Variants in MTR observed in about 807,000 individuals in gnomAD.
The protein encoded by MTR is methionine synthase.
Under a neutral mutation model 154.8 loss-of-function variants are expected in MTR, and 84 were observed. The observed-to-expected ratio is 0.54, with a 90% CI of 0.45 to 0.65. MTR has a LOEUF of 0.65. MTR is among the 30% of genes least tolerant of loss of function. The probability of loss-of-function intolerance (pLI) is 0.00; values close to 1 mark genes in which losing one functional copy is unlikely to be tolerated. For missense variants in MTR, 1,275 were observed against 1,570.2 expected, an observed-to-expected ratio of 0.81 and a Z score of 3.18; for synonymous variants, 554 against 553.9, an observed-to-expected ratio of 1.00 and a Z score of 0.00.
chr1:236,835,738 A>T, intron 14 of MTR, 51 bp downstream of exon 14: 1 of 1,609,728 alleles, frequency 6.2e-7, no homozygotes, highest in Non-Finnish European at 8.5e-7. Flanking sequence ...TCACTTTGAC[A>T]CTCATTTAAC....
At chr1:236,874,585 A>AT in intron 23 of MTR, 141 bp from the exon 24 acceptor site, 5 of 643,094 alleles carry the variant, frequency 7.8e-6, no homozygotes, top group Non-Finnish European at 1.0e-5. Flanking sequence ...AAAAAAAAAA[A>AT]GAATTAGGAA....
intron 23 of MTR, 47 bp downstream of exon 23, chr1:236,873,887 C>G: frequency 6.5e-7 from 1 of 1,544,410 alleles, no homozygotes; most frequent in Non-Finnish European, 9.0e-7. Flanking sequence ...GTCATATCCC[C>G]AGGTGTCTGT....
At chr1:236,856,993 C>T (rs1272958913) in intron 18 of MTR, among the ~76,000 whole-genome samples, 1 of 152,086 alleles carries the variant, frequency 6.6e-6, no homozygotes, top group South Asian at 2.1e-4. Flanking sequence ...AATAAACATA[C>T]GTGTATGTAT....
intron 7 of MTR, among the ~76,000 whole-genome samples, chr1:236,816,016 C>T (rs12065561): frequency 0.029 from 4,454 of 152,230 alleles, 239 homozygotes; most frequent in East Asian, 0.2. Flanking sequence ...ACCAGACTGC[C>T]AATTTATTAA....
intron 8 of MTR, among the ~76,000 whole-genome samples, chr1:236,823,892 C>G (rs1317449197): frequency 7.6e-6 from 1 of 131,700 alleles, no homozygotes; most frequent in East Asian, 2.5e-4. Context: ...TTTGAGGAGT[C>G]CACCCACAGG....
intron 22 of MTR, among the ~76,000 whole-genome samples, chr1:236,868,187 C>G (rs1228823210): frequency 5.9e-5 from 9 of 152,206 alleles, no homozygotes; most frequent in African/African-American, 2.2e-4. Flanking sequence ...AGCCACCACT[C>G]TAATCAGTCA....
chr1:236,816,908 A>G (rs1661628505), intron 8 of MTR, among the ~76,000 whole-genome samples: 1 of 152,114 alleles, frequency 6.6e-6, no homozygotes, highest in Admixed American at 6.5e-5. Flanking sequence ...TCAGGTTTTT[A>G]TCTGTAAAGT....
chr1:236,862,495 G>C, intron 21 of MTR, 152 bp downstream of exon 21: 1 of 678,790 alleles, frequency 1.5e-6, no homozygotes, highest in South Asian at 1.6e-5. Context: ...TTTTAACCGA[G>C]TATCAGAATA....
chr1:236,848,951 A>T (rs1663744041), intron 15 of MTR, among the ~76,000 whole-genome samples: 1 of 152,024 alleles, frequency 6.6e-6, no homozygotes. Context: ...CCTCATCTCC[A>T]CAGAAGTCTG....
intron 8 of MTR, among the ~76,000 whole-genome samples, chr1:236,820,944 CTTCTTTG>C (rs1336570243): frequency 1.3e-5 from 2 of 152,142 alleles, no homozygotes; most frequent in African/African-American, 4.8e-5. Context: ...ATCTGTATAT[CTTCTTTG>C]GTGAGGAGGC....
chr1:236,809,568 T>C (rs1371264090), intron 4 of MTR, among the ~76,000 whole-genome samples: 1 of 152,208 alleles, frequency 6.6e-6, no homozygotes, highest in African/African-American at 2.4e-5. Flanking sequence ...GCATAGACTA[T>C]TACTCCAACA....
In MTR at chr1:236,902,355, G is replaced by C. The variant is rs1473837826; in HGVS notation, c.*4711G>C. ...TGAAGTGACCCCTCTTCTTGCCTCT[G>C]TAACACCGCCATGCACATTTCATAC... On this transcript the variant is annotated 3_prime_UTR_variant, in exon 33 of 33. Transcript: ENST00000366577. 6.6e-6 allele frequency: 1 copy of C among 151,912 alleles called. No individual in the cohort carries two copies. The highest frequency in any genetic ancestry group is 2.4e-5 in the African/African-American group (1 of 41,290). The allele number at this position is 151,912 out of a possible 1,614,324, so 9.4% of individuals were successfully genotyped here.
At position 236,825,063 on chromosome 1, in the gene MTR, G is replaced by A. The variant is rs12060264; in HGVS notation, c.866-275G>A. Among the ~76,000 whole-genome samples, 52,383 of 151,220 alleles carry A rather than the reference G, an allele frequency of 0.35. 9,735 individuals carry two copies. Among genetic ancestry groups the A allele is most frequent in the East Asian group, 0.41 (2,104 of 5,132 alleles). Reference sequence around the variant, plus strand: ...TCCCTTATGGGAAGGGGTGGGGTTGGGGGTATTCTGTTCTGCCTAACAGTG... The same window carrying A: ...TCCCTTATGGGAAGGGGTGGGGTTGAGGGTATTCTGTTCTGCCTAACAGTG... On this transcript the variant is annotated intron_variant, in intron 9 of 32. Transcript: ENST00000366577.
intron 18 of MTR, among the ~76,000 whole-genome samples, chr1:236,858,986 C>G (rs1198498827): frequency 2.6e-5 from 4 of 152,254 alleles, no homozygotes; most frequent in Non-Finnish European, 1.5e-5. Context: ...ATTATGTACT[C>G]ATTCAGCCCT....
chr1:236,825,636 CTAAT>C, intron 10 of MTR, among the ~76,000 whole-genome samples: 1 of 152,188 alleles, frequency 6.6e-6, no homozygotes, highest in East Asian at 1.9e-4. Flanking sequence ...CCACTCCAAA[CTAAT>C]TGAGACTTGG....
At chr1:236,810,213 T>C (rs912928711) in intron 4 of MTR, among the ~76,000 whole-genome samples, 1 of 152,208 alleles carries the variant, frequency 6.6e-6, no homozygotes, top group African/African-American at 2.4e-5. Context: ...TATGGCATAA[T>C]TTCCTTAGTG....
At chr1:236,880,927 C>G in intron 25 of MTR, 91 bp downstream of exon 25, 1 of 1,265,176 alleles carries the variant, frequency 7.9e-7, no homozygotes. Context: ...CATTTTTATT[C>G]AGTTCTACTA....
intron 19 of MTR, 28 bp from the exon 20 acceptor site, chr1:236,861,097 C>CTTTTTTTTTTTTTTTTTGTTTTTTTTTTT (rs397974349): frequency 9.9e-7 from 1 of 1,012,494 alleles, no homozygotes; most frequent in African/African-American, 2.0e-5. Flanking sequence ...CTTTCTTTTT[C>CTTTTTTTTTTTTTTTTTGTTTTTTTTTTT]TTTTTTTTTT....
At chr1:236,889,365 C>A in intron 28 of MTR, 29 bp downstream of exon 28, 1 of 1,613,040 alleles carries the variant, frequency 6.2e-7, no homozygotes, top group South Asian at 1.1e-5. Flanking sequence ...TCCTTTCTGC[C>A]TCTGATATTC....
Sources: allele counts gnomAD v4.1 joint callset (sites outside exome capture counted in the v4.1 genomes callset), GRCh38; gene constraint gnomAD v4.1.1; transcripts MANE v1.5; gene names NCBI Gene and HGNC (gene_info 2026-07-23, HGNC 2026-07-21).